Variants in IQSEC1 observed in about 807,000 individuals in gnomAD.
The protein encoded by IQSEC1 is IQ motif and SEC7 domain-containing protein 1.
In IQSEC1, 31 loss-of-function variants were observed where a neutral mutation model predicts 91.0. That is an observed-to-expected ratio of 0.34 (90% CI 0.26 to 0.46). The LOEUF is 0.46. Ranked by LOEUF, IQSEC1 falls within the 20% of genes least tolerant of loss-of-function variation. The pLI, the probability that IQSEC1 is intolerant of heterozygous loss-of-function variation, is 1.00. For missense variants in IQSEC1, 1,388 were observed against 1,575.6 expected, an observed-to-expected ratio of 0.88 and a Z score of 2.02; for synonymous variants, 699 against 662.6, an observed-to-expected ratio of 1.05 and a Z score of -0.84.
intron 2 of IQSEC1, among the ~76,000 whole-genome samples, chr3:13,157,669 G>A (rs767038046): frequency 6.6e-6 from 1 of 152,132 alleles, no homozygotes; most frequent in Non-Finnish European, 1.5e-5. Flanking sequence ...AAGGAGGACA[G>A]CCAAAAGGGC....
In IQSEC1 at chr3:13,247,383, C is replaced by T. The variant is rs181135091; in HGVS notation, c.272+35328G>A. 6.2e-4 allele frequency among the ~76,000 whole-genome samples: 95 copies of T among 152,294 alleles called. 1 individual carries two copies. The highest frequency in any genetic ancestry group is 2.0e-3 in the African/African-American group (84 of 41,574). On this transcript the variant is annotated intron_variant, in intron 1 of 15. Coordinates refer to the IQSEC1 transcript ENST00000648114. ...CCATTGCCCCCAGGCTCTGCTCTGT[C>T]GGGGACAGCCAGAGGTGTGCACTGC...
Position 12,967,648 on chromosome 3 carries a change from C to A in IQSEC1, c.24-25783G>T. 1.7e-6 allele frequency: 2 copies of A among 1,203,672 alleles called. No individual in the cohort carries two copies. The allele number at this position is 1,203,672 out of a possible 1,614,324, so 74.6% of individuals were successfully genotyped here. ...CCGCGGCTCCGGCCCCAAGTCCGAG[C>A]CCCAGGCCAGCCAAGCCCGCCCCTC... On this transcript the variant is annotated intron_variant, in intron 1 of 13. Coordinates refer to ENST00000613206, the MANE Select transcript of IQSEC1 (RefSeq NM_001134382.3). This position sits in a 1 kb window ranked among gnomAD's most constrained non-coding sequence, Gnocchi z 5.9.
intron 1 of IQSEC1, among the ~76,000 whole-genome samples, chr3:13,261,513 C>A (rs368224236): frequency 6.6e-6 from 1 of 152,220 alleles, no homozygotes; most frequent in Admixed American, 6.5e-5. Flanking sequence ...AGCCTGTTCC[C>A]GGAGAACTCA....
intron 1 of IQSEC1, among the ~76,000 whole-genome samples, 192 bp from the exon 2 acceptor site, chr3:12,942,057 G>A (rs551037303): frequency 3.3e-5 from 5 of 152,010 alleles, no homozygotes; most frequent in East Asian, 1.9e-4. Context: ...CCACCCACTC[G>A]GGTTCAGTTT....
intron 1 of IQSEC1, among the ~76,000 whole-genome samples, chr3:12,980,980 C>T (rs892277552): frequency 1.3e-5 from 2 of 152,224 alleles, no homozygotes; most frequent in African/African-American, 4.8e-5. Flanking sequence ...AGGAGCCAAT[C>T]AATTCTCCCT....
At chr3:13,096,441 A>G (rs1705963521) in intron 2 of IQSEC1, among the ~76,000 whole-genome samples, 1 of 152,224 alleles carries the variant, frequency 6.6e-6, no homozygotes, top group Non-Finnish European at 1.5e-5. Context: ...CGTGTAGGGC[A>G]CACGCCCTTC....
chr3:13,138,651 G>C (rs1706750641), intron 2 of IQSEC1, among the ~76,000 whole-genome samples: 1 of 152,070 alleles, frequency 6.6e-6, no homozygotes, highest in South Asian at 2.1e-4. Context: ...TCTAGTTCAG[G>C]GGCACCACAG....
chr3:13,020,003 G>A (rs1406981382), intron 1 of IQSEC1, among the ~76,000 whole-genome samples: 1 of 152,228 alleles, frequency 6.6e-6, no homozygotes, highest in South Asian at 2.1e-4. Context: ...GCAGCCAAGA[G>A]GGAGCGAGCG....
intron 1 of IQSEC1, among the ~76,000 whole-genome samples, chr3:13,054,405 TG>T (rs1240212543): frequency 6.6e-6 from 1 of 152,182 alleles, no homozygotes; most frequent in Non-Finnish European, 1.5e-5. Context: ...GAGGAAGCAG[TG>T]GGCACCCTTC....
At chr3:12,956,701 A>G (rs527837126) in intron 1 of IQSEC1, among the ~76,000 whole-genome samples, 2 of 152,304 alleles carry the variant, frequency 1.3e-5, no homozygotes, top group East Asian at 3.9e-4. Flanking sequence ...GAGAATGCCA[A>G]CCTGAGTTTG....
In IQSEC1 at chr3:12,922,155, C is replaced by T. The variant is rs770497833; in HGVS notation, c.1818G>A (p.Glu606=). 25 of 1,610,374 alleles carry T rather than the reference C, an allele frequency of 1.6e-5. 1 individual carries two copies. In the South Asian group the frequency reaches 1.9e-4, roughly 12 times the overall value. ...CTATGAGCCGCTCCACTTTCTGAGCCTCCCCTTGGACACGGATGTGCGCCT... is the reference window on the plus strand; with the variant it reads ...CTATGAGCCGCTCCACTTTCTGAGCTTCCCCTTGGACACGGATGTGCGCCT... The part of the protein sequence containing the change: ...KFQAHIRVQG[E]AQKVERLIEA... Residue 606 remains glutamate, a synonymous_variant, in exon 5 of 14, where the codon GAG becomes GAA. Transcript: ENST00000613206. The surrounding 1 kb of genome is among the most constrained non-coding windows in gnomAD (Gnocchi z 5.1).
chr3:12,939,161 C>A (rs1392930179), intron 2 of IQSEC1, among the ~76,000 whole-genome samples: 2 of 152,144 alleles, frequency 1.3e-5, no homozygotes, highest in African/African-American at 4.8e-5. Flanking sequence ...ACAAGACACT[C>A]AGCGGAGGGA....
In IQSEC1 at chr3:13,068,172, G is replaced by A. The variant is rs1417930803; in HGVS notation, c.23+4820C>T. ...GGGCTGGGGCCAATCCAGGCCTTAC[G>A]CTTCCTCTGAGGCCCAGGGAGGATG... On this transcript the variant is annotated intron_variant, in intron 1 of 13. Transcript: ENST00000613206. Among the ~76,000 whole-genome samples, 5 of 152,364 alleles carry A rather than the reference G, an allele frequency of 3.3e-5. No homozygotes were observed. The South Asian group carries it at 8.3e-4, about 25-fold the overall frequency.
At chr3:13,162,548 G>A (rs1707196815) in intron 2 of IQSEC1, among the ~76,000 whole-genome samples, 1 of 152,176 alleles carries the variant, frequency 6.6e-6, no homozygotes, top group Admixed American at 6.5e-5. Context: ...TACAGGCACT[G>A]GAGGCCCTGC....
chr3:13,036,868 C>G (rs1182004751), intron 1 of IQSEC1, among the ~76,000 whole-genome samples: 1 of 152,202 alleles, frequency 6.6e-6, no homozygotes. Context: ...CTTGTGTGAT[C>G]AGAACTAGTC....
At chr3:13,110,718 C>A (rs892558551) in intron 2 of IQSEC1, among the ~76,000 whole-genome samples, 1 of 152,216 alleles carries the variant, frequency 6.6e-6, no homozygotes, top group East Asian at 1.9e-4. Flanking sequence ...CTTGGGGACA[C>A]AGGGGCTTTC....
intron 1 of IQSEC1, among the ~76,000 whole-genome samples, chr3:13,042,797 C>G (rs1448178272): frequency 6.6e-6 from 1 of 152,134 alleles, no homozygotes; most frequent in Admixed American, 6.5e-5. Context: ...GTGGTGGGGC[C>G]GGCACTGGCT....
chr3:13,018,092 G>T (rs2124953397), intron 1 of IQSEC1, among the ~76,000 whole-genome samples: 1 of 152,318 alleles, frequency 6.6e-6, no homozygotes, highest in Non-Finnish European at 1.5e-5. Flanking sequence ...TGTGTGGGTG[G>T]GTGGCAGCGA....
chr3:13,249,697 T>C (rs1019552849), intron 1 of IQSEC1, among the ~76,000 whole-genome samples: 1 of 152,076 alleles, frequency 6.6e-6, no homozygotes. Flanking sequence ...TCTCCTCTTC[T>C]GAAAAACGAG....
Sources: allele counts gnomAD v4.1 joint callset (sites outside exome capture counted in the v4.1 genomes callset), GRCh38; gene constraint gnomAD v4.1.1; non-coding constraint Gnocchi (gnomAD v3.1); transcripts MANE v1.5; gene names NCBI Gene and HGNC (gene_info 2026-07-23, HGNC 2026-07-21).